The following ADD2 variants were observed in gnomAD, a reference collection of about 807,000 sequenced individuals.
ADD2 encodes beta-adducin.
A neutral mutation model predicts 83.0 loss-of-function variants in ADD2; 23 were observed. The ratio of observed to expected loss-of-function variants is 0.28; its 90% CI spans 0.20 to 0.39. The LOEUF is 0.39. ADD2 is among the 10% of genes least tolerant of loss of function. The pLI is 1.00. For synonymous variants in ADD2, 375 were observed against 375.4 expected (o/e 1.00, Z 0.01); for missense variants, 758 against 944.9 (o/e 0.80, Z 2.59).
intron 6 of ADD2, among the ~76,000 whole-genome samples, chr2:70,693,239 G>C (rs1284427440): frequency 6.6e-6 from 1 of 152,156 alleles, no homozygotes; most frequent in Non-Finnish European, 1.5e-5. Context: ...AAATCCTGAA[G>C]CCAGCCCCTC....
chr2:70,759,816 G>A (rs1009513355), intron 1 of ADD2, among the ~76,000 whole-genome samples: 3 of 152,106 alleles, frequency 2.0e-5, no homozygotes, highest in Non-Finnish European at 2.9e-5. Context: ...TTCCTTCATA[G>A]CAACACAGGC....
intron 15 of ADD2, among the ~76,000 whole-genome samples, chr2:70,672,392 TG>T (rs1228440920): frequency 6.6e-6 from 1 of 152,206 alleles, no homozygotes; most frequent in Non-Finnish European, 1.5e-5. Context: ...AAGCTGGGGA[TG>T]GGATCCAAGA....
chr2:70,701,097 C>T (rs1394323278), intron 4 of ADD2, among the ~76,000 whole-genome samples: 2 of 151,920 alleles, frequency 1.3e-5, no homozygotes, highest in Non-Finnish European at 2.9e-5. Context: ...GTAAAGACTG[C>T]CCAAAAAGTG....
At chr2:70,705,635 T>C (rs1397446557) in intron 3 of ADD2, among the ~76,000 whole-genome samples, 2 of 152,122 alleles carry the variant, frequency 1.3e-5, no homozygotes, top group Admixed American at 6.5e-5. Flanking sequence ...GCTGTGTCCA[T>C]GCCAGGCAGG....
Position 70,704,404 on chromosome 2 carries a change from T to C in ADD2, c.239A>G (p.Asn80Ser). The part of the protein sequence containing the change: ...LIQEQMKKGN[N>S]SSNIWALRQI... ...TCGCAGGGCCCAGATGTTGGAGGAG[T>C]TGTTCCCCTTCTTCATCTGCTCCTG... Residue 80 changes from asparagine to serine, a missense_variant, in exon 4 of 16, where the codon AAC becomes AGC. Physicochemically the swap from Asn to Ser is conservative, Grantham distance 46. Transcript: ENST00000264436. The C allele has an allele frequency of 2.5e-6, 4 of 1,613,730 alleles. No homozygotes were observed. The highest frequency in any genetic ancestry group is 3.4e-6 in the Non-Finnish European group (4 of 1,179,948).
chr2:70,675,247 C>T (rs1454489767), intron 13 of ADD2: 1 of 1,006,042 alleles, frequency 9.9e-7, no homozygotes, highest in African/African-American at 1.7e-5. Context: ...CCACCACTGC[C>T]CTCCCCGCCC....
rs782230901 is a variant in ADD2 at position 70,713,151 on chromosome 2, C to T, written c.-120G>A. 6.3e-5 allele frequency: 62 copies of T among 984,852 alleles called. No homozygotes were observed. Among genetic ancestry groups the T allele is most frequent in the Non-Finnish European group, 7.1e-5 (59 of 829,878 alleles). The allele number at this position is 984,852 out of a possible 1,614,324, so 61.0% of individuals were successfully genotyped here. On this transcript the variant is annotated 5_prime_UTR_variant, in exon 2 of 16. It introduces an in-frame stop codon into an upstream open reading frame of the 5' UTR. Coordinates refer to ENST00000264436, the MANE Select transcript of ADD2 (RefSeq NM_001617.4). ...TAGCTCCACTCTCAAGGGTGCCGGC[C>T]ACATCTACACAACCTCAAACATCCA...
intron 1 of ADD2, among the ~76,000 whole-genome samples, chr2:70,752,981 T>A (rs183191726): frequency 6.6e-6 from 1 of 152,292 alleles, no homozygotes; most frequent in Admixed American, 6.5e-5. Flanking sequence ...AGATAGGAAC[T>A]TTGGATTCAT....
chr2:70,675,975 G>A, intron 13 of ADD2: 1 of 985,444 alleles, frequency 1.0e-6, no homozygotes, highest in Non-Finnish European at 1.2e-6. Context: ...TTGGGGTTGG[G>A]GGGAGGTAAG....
intron 1 of ADD2, among the ~76,000 whole-genome samples, chr2:70,716,023 C>CT (rs1193619766): frequency 1.8e-4 from 28 of 151,892 alleles, no homozygotes; most frequent in African/African-American, 5.3e-4. Context: ...GTTCCTTAAC[C>CT]TTTTTTTTTC....
chr2:70,747,718 C>G (rs1674296551), intron 1 of ADD2, among the ~76,000 whole-genome samples: 1 of 152,224 alleles, frequency 6.6e-6, no homozygotes, highest in African/African-American at 2.4e-5. Flanking sequence ...TTCTTTATAT[C>G]TTCTACACAC....
At chr2:70,685,595 G>A (rs1416532047) in intron 9 of ADD2, among the ~76,000 whole-genome samples, 4 of 152,152 alleles carry the variant, frequency 2.6e-5, no homozygotes, top group Non-Finnish European at 4.4e-5. Context: ...TACCATCTGT[G>A]TACCTCAGTT....
At chr2:70,765,411 TATA>T (rs1266528376) in intron 1 of ADD2, among the ~76,000 whole-genome samples, 15 of 144,134 alleles carry the variant, frequency 1.0e-4, no homozygotes, top group African/African-American at 3.8e-4. Flanking sequence ...GTTCTGGCCA[TATA>T]ATGTTTTGTG....
chr2:70,681,961 AC>A (rs1670474712), intron 10 of ADD2, among the ~76,000 whole-genome samples: 1 of 152,054 alleles, frequency 6.6e-6, no homozygotes, highest in African/African-American at 2.4e-5. Flanking sequence ...CAAGCGATCC[AC>A]CTCTGACTCA....
At chr2:70,719,800 T>C (rs938055559) in intron 1 of ADD2, among the ~76,000 whole-genome samples, 14 of 152,194 alleles carry the variant, frequency 9.2e-5, no homozygotes, top group African/African-American at 3.4e-4. Context: ...TCAGTGGAGC[T>C]ATATTTTGAA....
chr2:70,702,225 G>A (rs1671620720), intron 4 of ADD2, among the ~76,000 whole-genome samples: 1 of 152,146 alleles, frequency 6.6e-6, no homozygotes, highest in Non-Finnish European at 1.5e-5. Context: ...GGAGTGCAGT[G>A]GTGCAATCTC....
intron 13 of ADD2, chr2:70,675,573 C>T: frequency 1.0e-6 from 1 of 985,478 alleles, no homozygotes. Context: ...GACTCCACAG[C>T]CTTTTTTCCT....
chr2:70,756,124 C>T (rs1361678227), intron 1 of ADD2, among the ~76,000 whole-genome samples: 1 of 151,098 alleles, frequency 6.6e-6, no homozygotes, highest in Non-Finnish European at 1.5e-5. Context: ...TGAACACAAG[C>T]ACAAATTGCA....
chr2:70,729,429 C>T (rs911678481), intron 1 of ADD2, among the ~76,000 whole-genome samples: 6 of 152,166 alleles, frequency 3.9e-5, no homozygotes, highest in Non-Finnish European at 1.5e-5. Context: ...TCGGTTGGAA[C>T]ACTTGAAGAA....
Sources: gnomAD v4.1 joint callset for allele counts (sites outside exome capture counted in the v4.1 genomes callset) on GRCh38, gnomAD v4.1.1 for gene constraint, MANE v1.5 for transcripts, NCBI Gene and HGNC (gene_info 2026-07-23, HGNC 2026-07-21) for gene names.